Variants in FRMD4B observed in about 807,000 individuals in gnomAD.
FRMD4B encodes FERM domain-containing protein 4B.
Under a neutral mutation model 141.5 loss-of-function variants are expected in FRMD4B, and 74 were observed. That is an observed-to-expected ratio of 0.52 (90% CI 0.43 to 0.63). The LOEUF is 0.63. Ranked by LOEUF, FRMD4B falls within the 30% of genes least tolerant of loss-of-function variation. The probability of loss-of-function intolerance (pLI) is 0.00; values close to 1 mark genes in which losing one functional copy is unlikely to be tolerated. For synonymous variants in FRMD4B, 506 were observed against 467.9 expected (o/e 1.08, Z -1.05); for missense variants, 1,366 against 1,253.4 (o/e 1.09, Z -1.36).
intron 1 of FRMD4B, among the ~76,000 whole-genome samples, chr3:69,484,184 A>G (rs1218381389): frequency 1.3e-5 from 2 of 152,210 alleles, no homozygotes; most frequent in African/African-American, 2.4e-5. Flanking sequence ...GTAGATTACA[A>G]ATACAAGGAG....
chr3:69,249,605 T>C (rs935703609), intron 6 of FRMD4B, among the ~76,000 whole-genome samples: 1 of 152,232 alleles, frequency 6.6e-6, no homozygotes, highest in Non-Finnish European at 1.5e-5. Flanking sequence ...AACCAACACA[T>C]ACTATTTGTT....
chr3:69,356,497 C>T (rs183968339), intron 1 of FRMD4B, among the ~76,000 whole-genome samples: 2 of 152,062 alleles, frequency 1.3e-5, no homozygotes, highest in Admixed American at 1.3e-4. Context: ...GCTCTCCTTG[C>T]TCCTCAGCCT....
chr3:69,518,380 T>C (rs1700798606), intron 1 of FRMD4B, among the ~76,000 whole-genome samples: 1 of 152,186 alleles, frequency 6.6e-6, no homozygotes, highest in Non-Finnish European at 1.5e-5. Context: ...AGCTAAGTTC[T>C]GGGAATATAA....
At chr3:69,438,071 T>C (rs1161042658) in intron 1 of FRMD4B, among the ~76,000 whole-genome samples, 1 of 146,586 alleles carries the variant, frequency 6.8e-6, no homozygotes, top group Non-Finnish European at 1.5e-5. Flanking sequence ...AATTACATAA[T>C]ATATTATTAT....
intron 22 of FRMD4B, among the ~76,000 whole-genome samples, chr3:69,174,932 A>T (rs1575578075): frequency 6.6e-6 from 1 of 152,196 alleles, no homozygotes; most frequent in African/African-American, 2.4e-5. Flanking sequence ...ATTTTCAAAC[A>T]TTATTTACAG....
chr3:69,237,681 C>G (rs990844347), intron 7 of FRMD4B, among the ~76,000 whole-genome samples: 1 of 152,218 alleles, frequency 6.6e-6, no homozygotes, highest in Non-Finnish European at 1.5e-5. Flanking sequence ...TTCCTCAGAC[C>G]TCTCAGCTTC....
In FRMD4B at chr3:69,341,386, A is replaced by T. The variant is rs549398328; in HGVS notation, c.163-27869T>A. 2.0e-5 allele frequency among the ~76,000 whole-genome samples: 3 copies of T among 152,314 alleles called. No individual in the cohort carries two copies. The East Asian group carries it at 5.8e-4, about 29-fold the overall frequency. On this transcript the variant is annotated intron_variant, in intron 1 of 22. Coordinates refer to ENST00000398540, the MANE Select transcript of FRMD4B (RefSeq NM_015123.3). Reference sequence around the variant, plus strand: ...TCCCACTAGAGTGACCTTACTCTCAACTCAACACAAGGCCAAATACCAAGA... The same window carrying T: ...TCCCACTAGAGTGACCTTACTCTCATCTCAACACAAGGCCAAATACCAAGA...
intron 1 of FRMD4B, among the ~76,000 whole-genome samples, chr3:69,330,645 G>T (rs552756716): frequency 6.7e-6 from 1 of 149,550 alleles, no homozygotes. Flanking sequence ...GTGCCTGGCC[G>T]CCTTTTTTTT....
At position 69,171,872 on chromosome 3, in the gene FRMD4B, T is replaced by C. The variant is rs1254377531; in HGVS notation, c.3094A>G (p.Thr1032Ala). The change falls in exon 23 of 23, where the codon ACA becomes GCA. Residue 1032 changes from threonine to alanine, a missense_variant. By Grantham distance (58) the Thr-to-Ala change is moderately conservative (BLOSUM62 0). Transcript: ENST00000398540. Reference sequence around the variant, plus strand: ...GGTCCAACTGCAGTTCAGACTAATGTTCCAGGCTTTGAATCTTCATGCCAA... The same window carrying C: ...GGTCCAACTGCAGTTCAGACTAATGCTCCAGGCTTTGAATCTTCATGCCAA... ...LFWHEDSKPG[T>A]LV 1 of 1,612,456 alleles carries C rather than the reference T, an allele frequency of 6.2e-7. No homozygotes were observed.
intron 1 of FRMD4B, among the ~76,000 whole-genome samples, chr3:69,500,780 C>T (rs566743344): frequency 7.3e-5 from 11 of 150,656 alleles, no homozygotes; most frequent in East Asian, 2.0e-4. Flanking sequence ...AAGGAAGGAA[C>T]GCCCACGCTC....
At chr3:69,199,739 C>T (rs1010386530) in intron 11 of FRMD4B, among the ~76,000 whole-genome samples, 6 of 152,196 alleles carry the variant, frequency 3.9e-5, no homozygotes, top group Admixed American at 2.0e-4. Flanking sequence ...TACTCTATTG[C>T]GGCACTCAGT....
At chr3:69,282,489 T>A (rs1204452402) in intron 5 of FRMD4B, among the ~76,000 whole-genome samples, 3 of 152,240 alleles carry the variant, frequency 2.0e-5, no homozygotes, top group Admixed American at 6.5e-5. Context: ...TAAAACTTAT[T>A]TGTCTCTGTG....
intron 5 of FRMD4B, among the ~76,000 whole-genome samples, chr3:69,260,877 G>A (rs771419637): frequency 1.3e-5 from 2 of 152,218 alleles, no homozygotes; most frequent in Non-Finnish European, 2.9e-5. Context: ...TCTAGCTAGA[G>A]GATTGTAAAT....
chr3:69,405,494 C>A (rs1055825511), intron 2 of FRMD4B, among the ~76,000 whole-genome samples: 6 of 152,168 alleles, frequency 3.9e-5, no homozygotes, highest in Non-Finnish European at 8.8e-5. Flanking sequence ...CCATGACTGG[C>A]AGCCCTGTGC....
In FRMD4B at chr3:69,417,397, G is replaced by T. The variant is rs993955017; in HGVS notation, c.-1+15237C>A. On this transcript the variant is annotated intron_variant, in intron 2 of 5. Transcript: ENST00000459638. ...TATCCTTCACCCACTTTTTGATGGG[G>T]TTGTTTTTATCTTGTAAATTTAAGT... 3.9e-5 allele frequency among the ~76,000 whole-genome samples: 6 copies of T among 152,222 alleles called. No homozygotes were observed. In the East Asian group the frequency reaches 1.2e-3, roughly 29 times the overall value.
intron 1 of FRMD4B, among the ~76,000 whole-genome samples, chr3:69,504,188 A>T (rs1498851): frequency 0.6 from 90,172 of 151,460 alleles, 28,819 homozygotes; most frequent in African/African-American, 0.86. Flanking sequence ...TTTTAATGGC[A>T]GTAAAGTATA....
chr3:69,186,665 T>C (rs1025503931), intron 19 of FRMD4B, among the ~76,000 whole-genome samples: 1 of 152,168 alleles, frequency 6.6e-6, no homozygotes, highest in Non-Finnish European at 1.5e-5. Context: ...TGAGCTGAGA[T>C]TGCACCACTG....
chr3:69,356,913 A>C (rs534487595), intron 1 of FRMD4B, among the ~76,000 whole-genome samples: 1 of 152,266 alleles, frequency 6.6e-6, no homozygotes, highest in African/African-American at 2.4e-5. Context: ...TACTGAGTCT[A>C]TAATTTCCGT....
In FRMD4B at chr3:69,234,151, CAGG is replaced by C. The variant is rs1219180590; in HGVS notation, c.582-9464_582-9462del. The stretch of plus-strand genomic sequence containing the variant: ...GTCCCAGTTACTCAGGAGGCTGAGG[CAGG>C]AGAATTGCTTGCACTGGGAGGTGGA... On this transcript the variant is annotated intron_variant, in intron 7 of 22. Coordinates refer to ENST00000398540, the MANE Select transcript of FRMD4B (RefSeq NM_015123.3). Among the ~76,000 whole-genome samples, 10 of 150,966 alleles carry C rather than the reference CAGG, an allele frequency of 6.6e-5. No individual in the cohort carries two copies. The South Asian group carries it at 1.7e-3, about 25-fold the overall frequency.
Sources: gnomAD v4.1 joint callset for allele counts (sites outside exome capture counted in the v4.1 genomes callset) on GRCh38, gnomAD v4.1.1 for gene constraint, MANE v1.5 for transcripts, NCBI Gene and HGNC (gene_info 2026-07-23, HGNC 2026-07-21) for gene names.